The following OTUD7A variants were observed in gnomAD, a reference collection of about 807,000 sequenced individuals.
OTUD7A encodes OTU deubiquitinase 7A.
In OTUD7A, 12 loss-of-function variants were observed where a neutral mutation model predicts 65.7. The ratio of observed to expected loss-of-function variants is 0.18; its 90% CI spans 0.12 to 0.30. The LOEUF (loss-of-function observed/expected upper bound fraction) is 0.30, where lower values mean the gene tolerates loss of function less well. OTUD7A is among the 10% of genes least tolerant of loss of function. The probability of loss-of-function intolerance (pLI) is 1.00; values close to 1 mark genes in which losing one functional copy is unlikely to be tolerated. For synonymous variants in OTUD7A, 641 were observed against 586.3 expected (o/e 1.09, Z -1.35); for missense variants, 1,148 against 1,304.8 (o/e 0.88, Z 1.85).
At chr15:31,828,103 A>C (rs1896842539) in intron 1 of OTUD7A, among the ~76,000 whole-genome samples, 1 of 151,960 alleles carries the variant, frequency 6.6e-6, no homozygotes, top group Non-Finnish European at 1.5e-5. Context: ...TTCCATCCTG[A>C]ATTCTGTCAG....
chr15:31,595,379 G>A (rs910246812), intron 3 of OTUD7A, among the ~76,000 whole-genome samples: 4 of 152,196 alleles, frequency 2.6e-5, no homozygotes, highest in Admixed American at 6.5e-5. Context: ...TTCCACACAC[G>A]TTGCTGCAAA....
Position 31,532,818 on chromosome 15 carries a change from C to T in OTUD7A, c.551-2010G>A, listed in dbSNP as rs1221479260. ...GCGTGGTGGCGGGCGCCTGTAGTCC[C>T]AGCTACTCGGGGGGCTGAGGCAGGA... is the stretch of plus-strand genomic sequence containing the variant. On this transcript the variant is annotated intron_variant, in intron 5 of 12. Coordinates refer to ENST00000307050, the MANE Select transcript of OTUD7A (RefSeq NM_001382637.1). Among the ~76,000 whole-genome samples, 4 of 151,510 alleles carry T rather than the reference C, an allele frequency of 2.6e-5. No individual in the cohort carries two copies. The South Asian group carries it at 6.3e-4, about 24-fold the overall frequency.
intron 1 of OTUD7A, among the ~76,000 whole-genome samples, chr15:31,780,407 A>C: frequency 6.6e-6 from 1 of 152,236 alleles, no homozygotes; most frequent in East Asian, 1.9e-4. Flanking sequence ...AAATAAAAAA[A>C]GTATAAAAAA....
intron 3 of OTUD7A, among the ~76,000 whole-genome samples, chr15:31,634,458 C>T (rs982692861): frequency 2.6e-5 from 4 of 152,220 alleles, no homozygotes; most frequent in African/African-American, 4.8e-5. Context: ...ACACAGCATA[C>T]ATGTCCCTGC....
At chr15:31,528,389 C>T (rs997465682) in intron 6 of OTUD7A, among the ~76,000 whole-genome samples, 2 of 152,074 alleles carry the variant, frequency 1.3e-5, no homozygotes, top group South Asian at 4.2e-4. Flanking sequence ...AAAGTGGGAT[C>T]GAGGAGAGAG....
intron 1 of OTUD7A, among the ~76,000 whole-genome samples, chr15:31,669,118 G>A (rs1892409871): frequency 6.6e-6 from 1 of 152,210 alleles, no homozygotes; most frequent in South Asian, 2.1e-4. Flanking sequence ...CTATTTTTGT[G>A]ATGGTTGGCC....
chr15:31,675,709 CTT>C (rs1892581401), intron 1 of OTUD7A, among the ~76,000 whole-genome samples: 1 of 152,180 alleles, frequency 6.6e-6, no homozygotes, highest in African/African-American at 2.4e-5. Context: ...AAAATCAACA[CTT>C]TTCCTACATG....
chr15:31,492,811 A>G (rs919219792), intron 10 of OTUD7A, among the ~76,000 whole-genome samples: 1 of 152,228 alleles, frequency 6.6e-6, no homozygotes, highest in Non-Finnish European at 1.5e-5. Context: ...TTTAATCCAA[A>G]CATATCATTA....
intron 1 of OTUD7A, among the ~76,000 whole-genome samples, chr15:31,697,873 T>C (rs1330515884): frequency 1.3e-5 from 2 of 152,178 alleles, no homozygotes; most frequent in African/African-American, 4.8e-5. Context: ...GAACAATGCT[T>C]TATCCCAGCT....
intron 8 of OTUD7A, among the ~76,000 whole-genome samples, chr15:31,525,383 G>C (rs2041996921): frequency 6.6e-6 from 1 of 152,200 alleles, no homozygotes. Context: ...CAGCGTATGT[G>C]GGTTTCTAAT....
At chr15:31,860,181 T>C (rs1184578075) in intron 1 of OTUD7A, among the ~76,000 whole-genome samples, 1 of 152,204 alleles carries the variant, frequency 6.6e-6, no homozygotes, top group Admixed American at 6.5e-5. Flanking sequence ...ACTATAATTC[T>C]TCTTTGAACT....
At chr15:31,543,237 T>C (rs1271899642) in intron 5 of OTUD7A, among the ~76,000 whole-genome samples, 5 of 151,892 alleles carry the variant, frequency 3.3e-5, no homozygotes, top group African/African-American at 9.7e-5. Context: ...GTTAATTAAT[T>C]TGAGATGTGA....
intron 3 of OTUD7A, among the ~76,000 whole-genome samples, chr15:31,619,371 G>A (rs1890700870): frequency 6.6e-6 from 1 of 152,154 alleles, no homozygotes; most frequent in African/African-American, 2.4e-5. Flanking sequence ...TGGGCAGTAT[G>A]GCCATTTGAC....
At chr15:31,864,832 C>T (rs1054396318) in intron 1 of OTUD7A, among the ~76,000 whole-genome samples, 1 of 151,974 alleles carries the variant, frequency 6.6e-6, no homozygotes, top group African/African-American at 2.4e-5. Context: ...GCCTTGGTTA[C>T]AAGTGCAAAC....
chr15:31,564,569 A>C (rs1341078298), intron 4 of OTUD7A, among the ~76,000 whole-genome samples: 1 of 152,126 alleles, frequency 6.6e-6, no homozygotes, highest in Non-Finnish European at 1.5e-5. Flanking sequence ...ATAGTTGTTA[A>C]GTTTTTAAAA....
At chr15:31,518,558 C>T (rs1049554862) in intron 8 of OTUD7A, among the ~76,000 whole-genome samples, 3 of 152,216 alleles carry the variant, frequency 2.0e-5, no homozygotes, top group African/African-American at 7.2e-5. Flanking sequence ...ACACATCCTC[C>T]CACCTCTAGG....
At chr15:31,723,224 G>A (rs1047625824) in intron 1 of OTUD7A, among the ~76,000 whole-genome samples, 5 of 152,182 alleles carry the variant, frequency 3.3e-5, no homozygotes, top group Admixed American at 1.3e-4. Flanking sequence ...GAGGAGGCCC[G>A]GAGGCCTGCC....
chr15:31,736,573 T>C (rs982977756), intron 1 of OTUD7A, among the ~76,000 whole-genome samples: 3 of 152,184 alleles, frequency 2.0e-5, no homozygotes, highest in Non-Finnish European at 4.4e-5. Context: ...ACACTGAAGC[T>C]GTGCCGACCA....
Position 31,742,707 on chromosome 15 carries a change from G to A in OTUD7A, c.-99-85630C>T, listed in dbSNP as rs115045418. Among the ~76,000 whole-genome samples the A allele has an allele frequency of 8.2e-3, 1,254 of 152,022 alleles. 12 individuals carry two copies. Among genetic ancestry groups the A allele is most frequent in the African/African-American group, 0.026 (1,089 of 41,514 alleles). On this transcript the variant is annotated intron_variant, in intron 1 of 12. Transcript: ENST00000307050. ...AGTCAGAGATAGAAAAGCAAAACCC[G>A]AATAGACTTTATTTACAGATACTCA... is the stretch of plus-strand genomic sequence containing the variant.
Sources: allele counts gnomAD v4.1 joint callset (sites outside exome capture counted in the v4.1 genomes callset), GRCh38; gene constraint gnomAD v4.1.1; transcripts MANE v1.5; gene names NCBI Gene and HGNC (gene_info 2026-07-23, HGNC 2026-07-21).